Variants in PAPPA2 observed in about 807,000 individuals in gnomAD.
The protein encoded by PAPPA2 is pappalysin 2.
PAPPA2 carries 86 observed loss-of-function variants against 176.4 expected under a neutral mutation model. That is an observed-to-expected ratio of 0.49 (90% CI 0.41 to 0.58). The LOEUF is 0.58. Among genes scored for constraint, PAPPA2 ranks in the 20% least tolerant of loss-of-function variants. The pLI is 0.00. For synonymous variants in PAPPA2, 809 were observed against 852.2 expected, an observed-to-expected ratio of 0.95 and a Z score of 0.88; for missense variants, 2,073 against 2,256.9, an observed-to-expected ratio of 0.92 and a Z score of 1.65.
chr1:176,537,587 T>G (rs760333159), intron 1 of PAPPA2, among the ~76,000 whole-genome samples: 1 of 152,210 alleles, frequency 6.6e-6, no homozygotes, highest in Non-Finnish European at 1.5e-5. Context: ...CCTTGCACCT[T>G]GTCCATGCAC....
Position 176,740,009 on chromosome 1 carries a change from C to T in PAPPA2, c.3964C>T (p.Pro1322Ser). The T allele has an allele frequency of 6.2e-7, 1 of 1,613,876 alleles. No individual in the cohort carries two copies. The highest frequency in any genetic ancestry group is 8.5e-7 in the Non-Finnish European group (1 of 1,179,828). The change falls in exon 14 of 23, where the codon CCA becomes TCA. Residue 1322 changes from proline to serine, a missense_variant. Pro to Ser is a moderately conservative substitution (Grantham distance 74). Transcript: ENST00000367662. ...CTATGGACTGTCATGCCAGCATAAT[C>T]CACTGATTATCAATGTGACCCATCA... ...GTYGLSCQHN[P>S]LIINVTHHQN... is the part of the protein sequence containing the mutation.
chr1:176,484,227 T>TA (rs1198871786), intron 1 of PAPPA2, among the ~76,000 whole-genome samples: 3 of 152,222 alleles, frequency 2.0e-5, no homozygotes, highest in Non-Finnish European at 4.4e-5. Context: ...TCTTTGCTCT[T>TA]TTGTAGGTAA....
chr1:176,740,462 A>G (rs1024167253), intron 14 of PAPPA2, among the ~76,000 whole-genome samples: 1 of 152,184 alleles, frequency 6.6e-6, no homozygotes, highest in Non-Finnish European at 1.5e-5. Context: ...TCTTTTTTAC[A>G]TATAAAACCA....
intron 3 of PAPPA2, among the ~76,000 whole-genome samples, chr1:176,669,458 A>T (rs939142922): frequency 2.0e-5 from 3 of 152,138 alleles, no homozygotes; most frequent in Non-Finnish European, 4.4e-5. Flanking sequence ...AGGAGAAAAT[A>T]AGGAGAATGT....
intron 10 of PAPPA2, among the ~76,000 whole-genome samples, chr1:176,708,299 T>G (rs1660972335): frequency 6.6e-6 from 1 of 152,132 alleles, no homozygotes; most frequent in African/African-American, 2.4e-5. Flanking sequence ...CAGTAGACAT[T>G]TTTTCAGTGA....
At chr1:176,803,796 A>G (rs1665783801) in intron 21 of PAPPA2, among the ~76,000 whole-genome samples, 2 of 152,244 alleles carry the variant, frequency 1.3e-5, no homozygotes, top group African/African-American at 4.8e-5. Flanking sequence ...CATTTAAGCC[A>G]GACTCCTTTG....
intron 8 of PAPPA2, 97 bp downstream of exon 8, chr1:176,699,686 C>A (rs564454855): frequency 2.0e-6 from 3 of 1,483,232 alleles, no homozygotes; most frequent in Non-Finnish European, 2.7e-6. Context: ...TGCCCTTAGT[C>A]GGAGGAATGT....
At chr1:176,627,867 C>T (rs1240699376) in intron 3 of PAPPA2, among the ~76,000 whole-genome samples, 1 of 152,152 alleles carries the variant, frequency 6.6e-6, no homozygotes, top group African/African-American at 2.4e-5. Flanking sequence ...TGCTTAAATG[C>T]TCTTCTCAGT....
intron 21 of PAPPA2, among the ~76,000 whole-genome samples, chr1:176,818,142 A>G (rs1170550399): frequency 2.6e-5 from 4 of 152,214 alleles, no homozygotes; most frequent in African/African-American, 9.6e-5. Flanking sequence ...AAAGTTGGCC[A>G]GCACAAGAAG....
chr1:176,550,899 T>A (rs538728876), intron 1 of PAPPA2, among the ~76,000 whole-genome samples: 66 of 152,264 alleles, frequency 4.3e-4, no homozygotes, highest in African/African-American at 9.9e-4. Flanking sequence ...TTTGCCGGGA[T>A]GTGGAACCTG....
chr1:176,628,009 T>C (rs1656124204), intron 3 of PAPPA2, among the ~76,000 whole-genome samples: 1 of 152,118 alleles, frequency 6.6e-6, no homozygotes, highest in African/African-American at 2.4e-5. Context: ...GGAGAATGAA[T>C]GGGCCAGAGA....
chr1:176,537,743 T>TGTGG (rs1371074141), intron 1 of PAPPA2, among the ~76,000 whole-genome samples: 2 of 151,758 alleles, frequency 1.3e-5, no homozygotes. Flanking sequence ...TGTGTGTGTG[T>TGTGG]GTGTGTGTGT....
chr1:176,589,088 G>T (rs756034387), intron 2 of PAPPA2, among the ~76,000 whole-genome samples: 11 of 152,126 alleles, frequency 7.2e-5, no homozygotes, highest in Non-Finnish European at 1.5e-4. Context: ...TCAAGTAATG[G>T]AAAGAAGCAG....
At chr1:176,675,062 C>A (rs1443986068) in intron 4 of PAPPA2, among the ~76,000 whole-genome samples, 1 of 151,798 alleles carries the variant, frequency 6.6e-6, no homozygotes, top group Non-Finnish European at 1.5e-5. Context: ...CTTTTGGGTT[C>A]TTGGTCATGA....
intron 2 of PAPPA2, among the ~76,000 whole-genome samples, chr1:176,576,729 A>C (rs1360134564): frequency 6.6e-6 from 1 of 152,212 alleles, no homozygotes; most frequent in African/African-American, 2.4e-5. Context: ...GCAGAATTTC[A>C]GGTGCCGTTT....
At chr1:176,765,888 T>A in intron 15 of PAPPA2, 51 bp downstream of exon 15, 1 of 1,589,480 alleles carries the variant, frequency 6.3e-7, no homozygotes, top group South Asian at 1.1e-5. Context: ...GAAGGGGAGG[T>A]ATTCACACTC....
intron 2 of PAPPA2, among the ~76,000 whole-genome samples, chr1:176,565,043 A>G (rs1434509581): frequency 6.6e-6 from 1 of 152,138 alleles, no homozygotes; most frequent in African/African-American, 2.4e-5. Context: ...GTATCATACA[A>G]TGTATGATCT....
At chr1:176,648,383 A>G (rs1219921945) in intron 3 of PAPPA2, among the ~76,000 whole-genome samples, 1 of 151,412 alleles carries the variant, frequency 6.6e-6, no homozygotes, top group African/African-American at 2.4e-5. Context: ...TGTGTGAGCA[A>G]GGCTAATTTG....
At chr1:176,728,043 A>G (rs901191781) in intron 12 of PAPPA2, among the ~76,000 whole-genome samples, 1 of 152,016 alleles carries the variant, frequency 6.6e-6, no homozygotes, top group Non-Finnish European at 1.5e-5. Flanking sequence ...GCCTATATTT[A>G]GGAAAGAATC....
Sources: allele counts gnomAD v4.1 joint callset (sites outside exome capture counted in the v4.1 genomes callset), GRCh38; gene constraint gnomAD v4.1.1; transcripts MANE v1.5; gene names NCBI Gene and HGNC (gene_info 2026-07-23, HGNC 2026-07-21).